Variants in KIRREL3 observed in about 807,000 individuals in gnomAD.
The protein encoded by KIRREL3 is kin of IRRE-like protein 3.
In KIRREL3, 36 loss-of-function variants were observed where a neutral mutation model predicts 89.7. That is an observed-to-expected ratio of 0.40 (90% CI 0.31 to 0.53). The LOEUF is 0.53. Ranked by LOEUF, KIRREL3 falls within the 20% of genes least tolerant of loss-of-function variation. The probability of loss-of-function intolerance (pLI) is 0.49; values close to 1 mark genes in which losing one functional copy is unlikely to be tolerated. For synonymous variants in KIRREL3, 445 were observed against 441.4 expected, an observed-to-expected ratio of 1.01 and a Z score of -0.10; for missense variants, 864 against 1,056.6, an observed-to-expected ratio of 0.82 and a Z score of 2.53.
In KIRREL3 at chr11:126,869,133, G is replaced by T. The variant is rs529409017; in HGVS notation, c.55+131322C>A. Among the ~76,000 whole-genome samples, 6 of 150,146 alleles carry T rather than the reference G, an allele frequency of 4.0e-5. No homozygotes were observed. The South Asian group carries it at 6.4e-4, about 16-fold the overall frequency. ...AGAAAAAGCTGTTTGTGGTGAACAT[G>T]GGTGACCCTCTGCCTGAGGGCTTTT... On this transcript the variant is annotated intron_variant, in intron 1 of 16. Coordinates refer to ENST00000525144, the MANE Select transcript of KIRREL3 (RefSeq NM_032531.4).
chr11:126,966,830 C>T (rs1227744745), intron 1 of KIRREL3, among the ~76,000 whole-genome samples: 5 of 152,148 alleles, frequency 3.3e-5, no homozygotes, highest in African/African-American at 1.2e-4. Flanking sequence ...AGATAATAAA[C>T]CTAAAACAAT....
intron 1 of KIRREL3, among the ~76,000 whole-genome samples, chr11:126,784,604 A>G (rs115253836): frequency 0.045 from 5,534 of 121,996 alleles, 293 homozygotes; most frequent in African/African-American, 0.15. Flanking sequence ...CTTAGCGCTT[A>G]TCCTGCACCT....
chr11:126,861,894 C>T lies in KIRREL3; in HGVS notation c.55+138561G>A, dbSNP rs549034638. Among the ~76,000 whole-genome samples, 6 of 152,342 alleles carry T rather than the reference C, an allele frequency of 3.9e-5. No homozygotes were observed. The South Asian group carries it at 1.2e-3, about 32-fold the overall frequency. On this transcript the variant is annotated intron_variant, in intron 1 of 16. Transcript: ENST00000525144. ...ATGGACTGTACCGTGTGATACAAAA[C>T]CTTCCTGCAGAAGATAAGCTTCTGG...
chr11:126,493,551 AG>A (rs1327429804), intron 4 of KIRREL3, among the ~76,000 whole-genome samples: 1 of 146,300 alleles, frequency 6.8e-6, no homozygotes, highest in African/African-American at 2.5e-5. Flanking sequence ...GCTACTTGGG[AG>A]GCTGAGGCAG....
chr11:126,472,171 A>G (rs191268571), intron 5 of KIRREL3, among the ~76,000 whole-genome samples: 152 of 152,354 alleles, frequency 1.0e-3, no homozygotes, highest in African/African-American at 3.6e-3. Context: ...TGTCCAATGC[A>G]GTATTTGGAA....
chr11:126,431,165 C>A lies in KIRREL3; in HGVS notation c.1696+254G>T. The stretch of plus-strand genomic sequence containing the variant: ...TGACTGAAAGAGCTATGTGTTCAAT[C>A]CAAAATGCTGGCTGCCCTGCAGATG... On this transcript the variant is annotated intron_variant, in intron 14 of 16. Transcript: ENST00000525144. This position sits in a 1 kb window ranked among gnomAD's most constrained non-coding sequence, Gnocchi z 7.1. 6.9e-7 allele frequency: 1 copy of A among 1,448,574 alleles called. No individual in the cohort carries two copies. The highest frequency in any genetic ancestry group is 9.1e-7 in the Non-Finnish European group (1 of 1,102,150). The allele number at this position is 1,448,574 out of a possible 1,614,324, so 89.7% of individuals were successfully genotyped here.
Position 126,897,377 on chromosome 11 carries a change from T to C in KIRREL3, c.55+103078A>G, listed in dbSNP as rs1172793391. Among the ~76,000 whole-genome samples the C allele has an allele frequency of 6.6e-6, 1 of 151,970 alleles. No individual in the cohort carries two copies. The highest frequency in any genetic ancestry group is 1.5e-5 in the Non-Finnish European group (1 of 67,998). ...TTAAGGTATTTAACTTTATAGAAAA[T>C]GGAAAGCCTTCCCCAAGCGTTCTCT... is the stretch of plus-strand genomic sequence containing the variant. On this transcript the variant is annotated intron_variant, in intron 1 of 16. Transcript: ENST00000525144. The surrounding 1 kb of genome is among the most constrained non-coding windows in gnomAD (Gnocchi z 4.2).
intron 1 of KIRREL3, among the ~76,000 whole-genome samples, chr11:126,588,330 C>T (rs1941969561): frequency 6.6e-6 from 1 of 152,228 alleles, no homozygotes; most frequent in African/African-American, 2.4e-5. Context: ...TAAGTGTACT[C>T]AGCCACAGGT....
rs117616701 is a variant in KIRREL3, at chr11:126,932,957, A to G, written c.55+67498T>C. Among the ~76,000 whole-genome samples, 169 of 152,304 alleles carry G rather than the reference A, an allele frequency of 1.1e-3. 1 individual carries two copies. In the Middle Eastern group the frequency reaches 0.027, roughly 25 times the overall value. On this transcript the variant is annotated intron_variant, in intron 1 of 16. Transcript: ENST00000525144. ...TTATTTAAAAGACACTTCGCTGGAGAGAAGGAGACATGGTAGTTAGAATCT... is the reference window on the plus strand; with the variant it reads ...TTATTTAAAAGACACTTCGCTGGAGGGAAGGAGACATGGTAGTTAGAATCT...
Position 126,769,606 on chromosome 11 carries a change from G to T in KIRREL3, c.56-206694C>A, listed in dbSNP as rs1949956775. On this transcript the variant is annotated intron_variant, in intron 1 of 16. Coordinates refer to ENST00000525144, the MANE Select transcript of KIRREL3 (RefSeq NM_032531.4). This position sits in a 1 kb window ranked among gnomAD's most constrained non-coding sequence, Gnocchi z 4.3. ...CAGAGTTCTCAATCCTGTCTTTCAA[G>T]CCTTCTTTCCTTCATTTAGCAACTT... 6.6e-6 allele frequency among the ~76,000 whole-genome samples: 1 copy of T among 152,186 alleles called. No individual in the cohort carries two copies. Among genetic ancestry groups the T allele is most frequent in the Admixed American group, 6.5e-5 (1 of 15,284 alleles).
chr11:126,517,772 G>C (rs879566468), intron 4 of KIRREL3, among the ~76,000 whole-genome samples: 1 of 152,118 alleles, frequency 6.6e-6, no homozygotes, highest in African/African-American at 2.4e-5. Flanking sequence ...AGTTCTCAGC[G>C]ATCATCTTAT....
At chr11:126,929,996 GGAA>G (rs1947878161) in intron 1 of KIRREL3, among the ~76,000 whole-genome samples, 2 of 152,026 alleles carry the variant, frequency 1.3e-5, no homozygotes, top group Admixed American at 6.6e-5. Flanking sequence ...TGAGGGAGGA[GGAA>G]GGAGGGGTGT....
chr11:126,629,285 G>A (rs1163987499), intron 1 of KIRREL3, among the ~76,000 whole-genome samples: 1 of 152,202 alleles, frequency 6.6e-6, no homozygotes, highest in Non-Finnish European at 1.5e-5. Context: ...CTGCAGCCAA[G>A]CAGATGTCCT....
Position 126,431,670 on chromosome 11 carries a change from G to T in KIRREL3, c.1589-144C>A. 1.3e-6 allele frequency: 1 copy of T among 794,910 alleles called. No individual in the cohort carries two copies. The highest frequency in any genetic ancestry group is 2.0e-6 in the Non-Finnish European group (1 of 494,590). 49.2% of individuals were successfully genotyped at this position (794,910 alleles called of 1,614,324 possible). On this transcript the variant is annotated intron_variant, in intron 13 of 16. Coordinates refer to ENST00000525144, the MANE Select transcript of KIRREL3 (RefSeq NM_032531.4). The surrounding 1 kb of genome is among the most constrained non-coding windows in gnomAD (Gnocchi z 7.1). ...CCTCAGTGGGGCCTGGGCAGGCACAGGCCGAGTCCAACTGGGGTCAGCTCT... is the reference window on the plus strand; with the variant it reads ...CCTCAGTGGGGCCTGGGCAGGCACATGCCGAGTCCAACTGGGGTCAGCTCT...
At chr11:126,864,489 T>A (rs749300184) in intron 1 of KIRREL3, among the ~76,000 whole-genome samples, 14 of 152,188 alleles carry the variant, frequency 9.2e-5, no homozygotes, top group Non-Finnish European at 2.1e-4. Flanking sequence ...GTTCTGGAAT[T>A]CTTATTCCCT....
chr11:126,752,395 A>G lies in KIRREL3; in HGVS notation c.56-189483T>C, dbSNP rs139858622. Among the ~76,000 whole-genome samples, 496 of 152,302 alleles carry G rather than the reference A, an allele frequency of 3.3e-3. 4 individuals are homozygous for G. Among genetic ancestry groups the G allele is most frequent in the African/African-American group, 0.011 (473 of 41,556 alleles). On this transcript the variant is annotated intron_variant, in intron 1 of 16. Transcript: ENST00000525144. This position sits in a 1 kb window ranked among gnomAD's most constrained non-coding sequence, Gnocchi z 4.8. Reference sequence around the variant, plus strand: ...AGTTGGGCATTTATGAGTTCAAGGGATCCTAGATGCTAACTGGATGATGAG... The same window carrying G: ...AGTTGGGCATTTATGAGTTCAAGGGGTCCTAGATGCTAACTGGATGATGAG...
chr11:126,624,884 C>T lies in KIRREL3; in HGVS notation c.56-61972G>A, dbSNP rs1042275740. Among the ~76,000 whole-genome samples the T allele has an allele frequency of 2.0e-5, 3 of 152,150 alleles. No individual in the cohort carries two copies. Among genetic ancestry groups the T allele is most frequent in the Admixed American group, 6.5e-5 (1 of 15,278 alleles). On this transcript the variant is annotated intron_variant, in intron 1 of 16. Transcript: ENST00000525144. The surrounding 1 kb of genome is among the most constrained non-coding windows in gnomAD (Gnocchi z 6.0). ...TAGCCTGCACTTTCTCCAGACCTAC[C>T]ATCAGTAAGGATGGTGGAAATTGGG...
chr11:126,856,743 G>A (rs1369189861), intron 1 of KIRREL3, among the ~76,000 whole-genome samples: 1 of 151,822 alleles, frequency 6.6e-6, no homozygotes, highest in Non-Finnish European at 1.5e-5. Context: ...AGCCTCCTGA[G>A]TAGCTGGGAC....
chr11:126,981,870 C>T lies in KIRREL3; in HGVS notation c.55+18585G>A, dbSNP rs1436777543. ...TAGCACACACTCCCTTGCTTGGGGG[C>T]TCTGCTGGGATGACAGCCTTTAAAC... is the stretch of plus-strand genomic sequence containing the variant. On this transcript the variant is annotated intron_variant, in intron 1 of 16. Coordinates refer to ENST00000525144, the MANE Select transcript of KIRREL3 (RefSeq NM_032531.4). This position sits in a 1 kb window ranked among gnomAD's most constrained non-coding sequence, Gnocchi z 4.2. Among the ~76,000 whole-genome samples the T allele has an allele frequency of 6.6e-6, 1 of 152,306 alleles. No homozygotes were observed. Among genetic ancestry groups the T allele is most frequent in the East Asian group, 1.9e-4 (1 of 5,182 alleles).
Sources: gnomAD v4.1 joint callset for allele counts (sites outside exome capture counted in the v4.1 genomes callset) on GRCh38, gnomAD v4.1.1 for gene constraint, Gnocchi (gnomAD v3.1) non-coding constraint, MANE v1.5 for transcripts, NCBI Gene and HGNC (gene_info 2026-07-23, HGNC 2026-07-21) for gene names.